SNRPD3: variants seen among roughly 807,000 people sequenced by gnomAD.
SNRPD3 encodes the protein small nuclear ribonucleoprotein Sm D3.
For synonymous variants in SNRPD3, 66 were observed against 58.4 expected (o/e 1.13, Z -0.59); for missense variants, 73 against 167.5 (o/e 0.44, Z 3.11).
At chr22:24,555,859 T>A (rs1199122430), upstream of SNRPD3, 2 of 1,532,196 alleles carry the variant, frequency 1.3e-6, no homozygotes, top group Non-Finnish European at 1.8e-6. Flanking sequence ...ACTATCGTAC[T>A]GGTGCCCTAG....
chr22:24,564,883 C>CTTTTTTTTTTTTTTTT (rs371010665), intron 2 of SNRPD3, among the ~76,000 whole-genome samples: 2 of 127,166 alleles, frequency 1.6e-5, no homozygotes, highest in African/African-American at 2.8e-5. Context: ...TTGCCTTGTT[C>CTTTTTTTTTTTTTTTT]ATTTTTTTTT....
intron 3 of SNRPD3, among the ~76,000 whole-genome samples, chr22:24,571,444 T>C (rs1253590916): frequency 6.6e-6 from 1 of 152,094 alleles, no homozygotes; most frequent in African/African-American, 2.4e-5. Context: ...CCCTGTTAAA[T>C]GCAGTGGCTG....
At chr22:24,555,990 A>G (rs2045054436), upstream of SNRPD3, 2 of 699,840 alleles carry the variant, frequency 2.9e-6, no homozygotes, top group Non-Finnish European at 4.7e-6. Flanking sequence ...TCTGGGTGTT[A>G]GGCCCGCCAT....
Position 24,572,437 on chromosome 22 carries a change from A to C in SNRPD3, c.*460A>C, listed in dbSNP as rs1171761644. On this transcript the variant is annotated 3_prime_UTR_variant, in exon 4 of 4. Transcript: ENST00000215829. ...AGCTGTCATCAGCTCAGCTTTAACAACACAGGTGACTCTTTCCCTTGATAA... is the reference window on the plus strand; with the variant it reads ...AGCTGTCATCAGCTCAGCTTTAACACCACAGGTGACTCTTTCCCTTGATAA... The C allele has an allele frequency of 5.6e-6, 2 of 357,692 alleles. No individual in the cohort carries two copies. The highest frequency in any genetic ancestry group is 2.1e-5 in the African/African-American group (1 of 47,384). 22.2% of individuals were successfully genotyped at this position (357,692 alleles called of 1,614,324 possible). A position where few individuals can be genotyped will look rare whatever the true frequency, so the allele number is the denominator to read the frequency against.
At chr22:24,556,965 A>G (rs1194376800) in intron 1 of SNRPD3, among the ~76,000 whole-genome samples, 3 of 152,186 alleles carry the variant, frequency 2.0e-5, no homozygotes, top group Non-Finnish European at 4.4e-5. Flanking sequence ...TGTCACTTTG[A>G]TATTTTCTCA....
intron 2 of SNRPD3, among the ~76,000 whole-genome samples, chr22:24,559,806 T>G (rs773271376): frequency 6.6e-6 from 1 of 152,128 alleles, no homozygotes; most frequent in African/African-American, 2.4e-5. Flanking sequence ...ATAACAAAGT[T>G]TCACAGACTG....
Position 24,572,107 on chromosome 22 carries a change from C to G in SNRPD3, c.*130C>G. ...CTTTAGATCAGGGGAAATGTTTAAGCTAAATAAATCTGGGGGGTTTTTTGT... is the reference window on the plus strand; with the variant it reads ...CTTTAGATCAGGGGAAATGTTTAAGGTAAATAAATCTGGGGGGTTTTTTGT... On this transcript the variant is annotated 3_prime_UTR_variant, in exon 4 of 4. Coordinates refer to ENST00000215829, the MANE Select transcript of SNRPD3 (RefSeq NM_004175.5). 1.3e-6 allele frequency: 2 copies of G among 1,496,772 alleles called. No homozygotes were observed. The highest frequency in any genetic ancestry group is 1.2e-5 in the South Asian group (1 of 82,604). The allele number at this position is 1,496,772 out of a possible 1,614,324, so 92.7% of individuals were successfully genotyped here.
chr22:24,570,611 A>C (rs925725806), intron 3 of SNRPD3, among the ~76,000 whole-genome samples: 3 of 151,988 alleles, frequency 2.0e-5, no homozygotes, highest in Non-Finnish European at 4.4e-5. Flanking sequence ...TGAACCCAGG[A>C]GGTGGAGGTT....
chr22:24,570,936 A>G (rs2045244902), intron 3 of SNRPD3, among the ~76,000 whole-genome samples: 1 of 148,680 alleles, frequency 6.7e-6, no homozygotes, highest in Non-Finnish European at 1.5e-5. Flanking sequence ...CTCTTGCCTC[A>G]GCCTCCCAAG....
At position 24,557,724 on chromosome 22, in the gene SNRPD3, T is replaced by G; in HGVS notation, c.50T>G (p.Ile17Ser). 1.2e-6 allele frequency: 2 copies of G among 1,612,878 alleles called. No individual in the cohort carries two copies. Among genetic ancestry groups the G allele is most frequent in the Non-Finnish European group, 1.7e-6 (2 of 1,179,282 alleles). ...IKVLHEAEGH[I>S]VTCETNTGEV... ...GTACTGCATGAGGCCGAGGGCCACA[T>G]TGTGACATGTGAGACGAACACCGGT... Residue 17 changes from isoleucine (I) to serine (S), a missense_variant, in exon 2 of 4, where the codon ATT becomes AGT. Transcript: ENST00000215829.
chr22:24,569,693 T>C (rs1341197200), intron 3 of SNRPD3, among the ~76,000 whole-genome samples: 1 of 152,228 alleles, frequency 6.6e-6, no homozygotes, highest in Admixed American at 6.5e-5. Flanking sequence ...AACATCTGAA[T>C]GGCTTCAAGC....
intron 2 of SNRPD3, among the ~76,000 whole-genome samples, chr22:24,563,254 G>GTA (rs35968068): frequency 2.9e-4 from 1 of 3,432 alleles, no homozygotes; most frequent in African/African-American, 4.5e-4. Flanking sequence ...ATGTGTGTAT[G>GTA]TATGTATATA....
intron 2 of SNRPD3, 121 bp downstream of exon 2, chr22:24,557,921 T>A: frequency 1.1e-6 from 1 of 932,918 alleles, no homozygotes; most frequent in Non-Finnish European, 1.6e-6. Context: ...CCTAAGTGCC[T>A]AATGCATACC....
At chr22:24,565,936 C>T (rs918388434) in intron 2 of SNRPD3, among the ~76,000 whole-genome samples, 2 of 152,114 alleles carry the variant, frequency 1.3e-5, no homozygotes, top group Admixed American at 6.5e-5. Flanking sequence ...CATGAGCCAC[C>T]GCGCCCAGCC....
At chr22:24,558,463 CAGAGAGAGATG>C (rs566388191) in intron 2 of SNRPD3, among the ~76,000 whole-genome samples, 118 of 152,272 alleles carry the variant, frequency 7.7e-4, no homozygotes, top group African/African-American at 2.6e-3. Flanking sequence ...ACTTGGGAGT[CAGAGAGAGATG>C]TGGGTTTGAA....
rs752478080 is a variant in SNRPD3 at position 24,567,968 on chromosome 22, G to A, written c.127-16G>A. 10 of 1,586,140 alleles carry A rather than the reference G, an allele frequency of 6.3e-6. No homozygotes were observed. The South Asian group carries it at 7.9e-5, about 13-fold the overall frequency. On this transcript the variant is annotated splice_polypyrimidine_tract_variant and intron_variant, in intron 2 of 3. Transcript: ENST00000215829. ...GCTGTTGACCGTTAACTTATTAGCT[G>A]GTGATTTCCTTCCAGATGTCCAACA...
intron 2 of SNRPD3, among the ~76,000 whole-genome samples, chr22:24,565,503 G>C (rs1019388226): frequency 6.6e-6 from 1 of 152,178 alleles, no homozygotes; most frequent in Non-Finnish European, 1.5e-5. Flanking sequence ...TTGTAGTTGA[G>C]GGAACGGAGG....
intron 2 of SNRPD3, among the ~76,000 whole-genome samples, chr22:24,567,486 C>T (rs1392334257): frequency 6.6e-6 from 1 of 152,112 alleles, no homozygotes; most frequent in Non-Finnish European, 1.5e-5. Context: ...GTGGCTCACA[C>T]CTGTAATCCC....
chr22:24,559,688 C>T (rs776391436), intron 2 of SNRPD3, among the ~76,000 whole-genome samples: 1 of 152,122 alleles, frequency 6.6e-6, no homozygotes. Flanking sequence ...GGTCCCTCCT[C>T]TAAATCAGGG....
Sources: gnomAD v4.1 joint callset for allele counts (sites outside exome capture counted in the v4.1 genomes callset) on GRCh38, gnomAD v4.1.1 for gene constraint, MANE v1.5 for transcripts, NCBI Gene and HGNC (gene_info 2026-07-23, HGNC 2026-07-21) for gene names.